The following AGAP1 variants were observed in gnomAD, a reference collection of about 807,000 sequenced individuals.
The protein encoded by AGAP1 is ArfGAP with GTPase domain, ankyrin repeat and PH domain 1.
A neutral mutation model predicts 105.3 loss-of-function variants in AGAP1; 29 were observed. That is an observed-to-expected ratio of 0.28 (90% CI 0.21 to 0.38). AGAP1 has a LOEUF of 0.38. AGAP1 is among the 10% of genes least tolerant of loss of function. The pLI, the probability that AGAP1 is intolerant of heterozygous loss-of-function variation, is 1.00. For missense variants in AGAP1, 998 were observed against 1,165.1 expected (o/e 0.86, Z 2.09); for synonymous variants, 509 against 485.9 (o/e 1.05, Z -0.63).
At chr2:236,034,012 C>G (rs1207973423) in intron 13 of AGAP1, among the ~76,000 whole-genome samples, 1 of 152,146 alleles carries the variant, frequency 6.6e-6, no homozygotes, top group Non-Finnish European at 1.5e-5. Context: ...TTGTCACATC[C>G]CACCTATGAA....
chr2:235,776,828 C>T (rs576559358), intron 6 of AGAP1: 6 of 459,744 alleles, frequency 1.3e-5, no homozygotes, highest in Admixed American at 1.2e-4. Context: ...CCTCAGGCAT[C>T]GGCACCAACT....
chr2:235,773,547 G>T (rs768276322), intron 6 of AGAP1, among the ~76,000 whole-genome samples: 3 of 152,212 alleles, frequency 2.0e-5, no homozygotes, highest in African/African-American at 7.2e-5. Flanking sequence ...TGTTACTTAG[G>T]TGTGGAAAGT....
chr2:235,727,818 A>G (rs766181780), intron 3 of AGAP1, among the ~76,000 whole-genome samples: 17 of 152,126 alleles, frequency 1.1e-4, no homozygotes, highest in South Asian at 2.1e-4. Context: ...TCAGGGTTCA[A>G]TGGTTTCCTC....
Position 235,692,852 on chromosome 2 carries a change from C to T in AGAP1, c.164-16327C>T, listed in dbSNP as rs1263389415. 6.6e-6 allele frequency among the ~76,000 whole-genome samples: 1 copy of T among 152,076 alleles called. No individual in the cohort carries two copies. The highest frequency in any genetic ancestry group is 2.4e-5 in the African/African-American group (1 of 41,402). ...CAGGGTGTGCTTGGTGTGCGTATCTCCCTTGATGTGGCACTGCCTGGCTCC... is the reference window on the plus strand; with the variant it reads ...CAGGGTGTGCTTGGTGTGCGTATCTTCCTTGATGTGGCACTGCCTGGCTCC... On this transcript the variant is annotated intron_variant, in intron 1 of 17. Coordinates refer to ENST00000304032, the MANE Select transcript of AGAP1 (RefSeq NM_001037131.3). This position sits in a 1 kb window ranked among gnomAD's most constrained non-coding sequence, Gnocchi z 5.8.
intron 13 of AGAP1, among the ~76,000 whole-genome samples, chr2:236,032,404 G>A (rs1363948038): frequency 6.6e-6 from 1 of 152,132 alleles, no homozygotes; most frequent in African/African-American, 2.4e-5. Context: ...GGGTGATCAA[G>A]CATCTCAGAA....
At position 235,799,618 on chromosome 2, in the gene AGAP1, A is replaced by G; in HGVS notation, c.957+96A>G. ...CACATGGTTCAGTGGTATTTGTAGAATCTCAACTATATTAAAGTGAATAAC... is the reference window on the plus strand; with the variant it reads ...CACATGGTTCAGTGGTATTTGTAGAGTCTCAACTATATTAAAGTGAATAAC... On this transcript the variant is annotated intron_variant, in intron 8 of 17. Coordinates refer to ENST00000304032, the MANE Select transcript of AGAP1 (RefSeq NM_001037131.3). The surrounding 1 kb of genome is among the most constrained non-coding windows in gnomAD (Gnocchi z 5.0). The G allele has an allele frequency of 1.5e-6, 2 of 1,347,302 alleles. No individual in the cohort carries two copies. The highest frequency in any genetic ancestry group is 2.2e-5 in the Admixed American group (1 of 45,086). 83.5% of individuals were successfully genotyped at this position (1,347,302 alleles called of 1,614,324 possible).
chr2:235,560,545 T>C (rs1469624603), intron 1 of AGAP1, among the ~76,000 whole-genome samples: 1 of 152,152 alleles, frequency 6.6e-6, no homozygotes, highest in Non-Finnish European at 1.5e-5. Flanking sequence ...ATGAGAGTAC[T>C]TAAAAGTAGA....
rs115628507 is a variant in AGAP1, at chr2:235,935,390, G to T, written c.1483+4467G>T. Reference sequence around the variant, plus strand: ...TCTGCATTGAAAAAGGCCGTTCCAGGAGTACATGAAAAATTAATTTTTTTA... The same window carrying T: ...TCTGCATTGAAAAAGGCCGTTCCAGTAGTACATGAAAAATTAATTTTTTTA... On this transcript the variant is annotated intron_variant, in intron 12 of 17. Transcript: ENST00000304032. 6.3e-3 allele frequency among the ~76,000 whole-genome samples: 959 copies of T among 152,278 alleles called. 8 individuals carry two copies. The highest frequency in any genetic ancestry group is 0.021 in the African/African-American group (877 of 41,548).
chr2:235,811,420 C>G (rs1404982794), intron 9 of AGAP1, among the ~76,000 whole-genome samples: 4 of 152,214 alleles, frequency 2.6e-5, no homozygotes, highest in African/African-American at 9.7e-5. Context: ...TTGGTGGGGA[C>G]ACACAGAACC....
In AGAP1 at chr2:235,625,560, C is replaced by T. The variant is rs1190084165; in HGVS notation, c.164-83619C>T. Among the ~76,000 whole-genome samples, 1 of 152,154 alleles carries T rather than the reference C, an allele frequency of 6.6e-6. No individual in the cohort carries two copies. The highest frequency in any genetic ancestry group is 1.9e-4 in the East Asian group (1 of 5,186). ...TTGCTGATTTTGCAAGTACAAGTCA[C>T]CAGATTTTAGTTGTTTATAAACTTC... On this transcript the variant is annotated intron_variant, in intron 1 of 17. Coordinates refer to ENST00000304032, the MANE Select transcript of AGAP1 (RefSeq NM_001037131.3). The surrounding 1 kb of genome is among the most constrained non-coding windows in gnomAD (Gnocchi z 4.0).
chr2:236,095,233 C>T lies in AGAP1; in HGVS notation c.2115-24959C>T, dbSNP rs1479001715. Among the ~76,000 whole-genome samples the T allele has an allele frequency of 6.6e-6, 1 of 150,448 alleles. No homozygotes were observed. Among genetic ancestry groups the T allele is most frequent in the African/African-American group, 2.5e-5 (1 of 40,810 alleles). Reference sequence around the variant, plus strand: ...GAACTGTGGTGAAACCCCGTCTCTACAAAAAAGTTAAAAATTAGCCAGGCG... The same window carrying T: ...GAACTGTGGTGAAACCCCGTCTCTATAAAAAAGTTAAAAATTAGCCAGGCG... On this transcript the variant is annotated intron_variant, in intron 16 of 17. Transcript: ENST00000304032. This position sits in a 1 kb window ranked among gnomAD's most constrained non-coding sequence, Gnocchi z 4.1.
chr2:235,939,547 T>G (rs1559672568), intron 12 of AGAP1, among the ~76,000 whole-genome samples: 5 of 149,580 alleles, frequency 3.3e-5, no homozygotes, highest in Admixed American at 3.3e-4. Context: ...CCTTCTATTC[T>G]CCTTCTCACC....
intron 13 of AGAP1, among the ~76,000 whole-genome samples, chr2:235,975,605 C>T (rs2054827652): frequency 6.6e-6 from 1 of 152,184 alleles, no homozygotes; most frequent in Non-Finnish European, 1.5e-5. Context: ...GAGCACATGA[C>T]TGGCAAGGAG....
At chr2:235,910,231 C>T in intron 11 of AGAP1, among the ~76,000 whole-genome samples, 1 of 152,304 alleles carries the variant, frequency 6.6e-6, no homozygotes, top group Non-Finnish European at 1.5e-5. Context: ...TAGGCAGTCA[C>T]TGAGCTGGTT....
In AGAP1 at chr2:236,018,714, A is replaced by T. The variant is rs72991164; in HGVS notation, c.1646-17847A>T. Among the ~76,000 whole-genome samples the T allele has an allele frequency of 2.1e-3, 316 of 152,300 alleles. 1 individual carries two copies. Among genetic ancestry groups the T allele is most frequent in the Non-Finnish European group, 3.6e-3 (245 of 68,034 alleles). ...GATAGGCCTCTTCAAATAGGTGATG[A>T]CACTTGCATCCAGGTGTTAGCCAGA... On this transcript the variant is annotated intron_variant, in intron 13 of 17. Transcript: ENST00000304032.
At position 236,036,609 on chromosome 2, in the gene AGAP1, C is replaced by T; in HGVS notation, c.1694C>T (p.Thr565Ile). 6.2e-7 allele frequency: 1 copy of T among 1,614,214 alleles called. No homozygotes were observed. Among genetic ancestry groups the T allele is most frequent in the Non-Finnish European group, 8.5e-7 (1 of 1,180,046 alleles). Reference protein sequence around the residue: ...EFIIVSLTGQTWHFEATTYEE... With the variant: ...EFIIVSLTGQIWHFEATTYEE... ...ATCATTGTGTCCCTCACTGGCCAAA[C>T]ATGGCACTTTGAAGCCACGACGTAT... The change falls in exon 14 of 18, where the codon ACA (threonine) becomes ATA (isoleucine). Residue 565 changes from threonine (T) to isoleucine (I), a missense_variant. This residue lies in a region of AGAP1 where 735 missense variants were observed against 833.4 expected (regional missense o/e 0.88). Transcript: ENST00000304032. This position sits in a 1 kb window ranked among gnomAD's most constrained non-coding sequence, Gnocchi z 5.7.
rs796453844 is a variant in AGAP1, at chr2:235,983,061, G to A, written c.1645+14438G>A. On this transcript the variant is annotated intron_variant, in intron 13 of 17. Transcript: ENST00000304032. This position sits in a 1 kb window ranked among gnomAD's most constrained non-coding sequence, Gnocchi z 4.5. ...GCATGAGGAGACATTCCTTAAGCCAGCCTGGTCTGTGGAGGTGTGCTCACT... is the reference window on the plus strand; with the variant it reads ...GCATGAGGAGACATTCCTTAAGCCAACCTGGTCTGTGGAGGTGTGCTCACT... 3.3e-5 allele frequency among the ~76,000 whole-genome samples: 5 copies of A among 152,330 alleles called. No individual in the cohort carries two copies. The South Asian group carries it at 1.0e-3, about 32-fold the overall frequency.
chr2:235,781,668 G>T (rs959056996), intron 6 of AGAP1, among the ~76,000 whole-genome samples: 8 of 152,180 alleles, frequency 5.3e-5, no homozygotes, highest in African/African-American at 7.2e-5. Context: ...GCCTTCGTAA[G>T]CCAAACAGTA....
In AGAP1 at chr2:235,556,703, G is replaced by A. The variant is rs894542436; in HGVS notation, c.163+61854G>A. Among the ~76,000 whole-genome samples, 9 of 152,234 alleles carry A rather than the reference G, an allele frequency of 5.9e-5. No homozygotes were observed. Among genetic ancestry groups the A allele is most frequent in the Non-Finnish European group, 1.0e-4 (7 of 68,044 alleles). The stretch of plus-strand genomic sequence containing the variant: ...ACAAATGAATGTAAGATAGTTATAT[G>A]TGTCTACTGCCTTAGAAAGTACAGT... On this transcript the variant is annotated intron_variant, in intron 1 of 17. Coordinates refer to ENST00000304032, the MANE Select transcript of AGAP1 (RefSeq NM_001037131.3). The surrounding 1 kb of genome is among the most constrained non-coding windows in gnomAD (Gnocchi z 5.3).
Sources: allele counts gnomAD v4.1 joint callset (sites outside exome capture counted in the v4.1 genomes callset), GRCh38; gene constraint gnomAD v4.1.1; regional missense constraint gnomAD v4.1.1; non-coding constraint Gnocchi (gnomAD v3.1); transcripts MANE v1.5; gene names NCBI Gene and HGNC (gene_info 2026-07-23, HGNC 2026-07-21).